Variants in KIF26B observed in about 807,000 individuals in gnomAD.
KIF26B encodes the protein kinesin family member 26B.
In KIF26B, 63 loss-of-function variants were observed where a neutral mutation model predicts 151.2. That is an observed-to-expected ratio of 0.42 (90% CI 0.34 to 0.51). KIF26B has a LOEUF of 0.51. KIF26B is among the 20% of genes least tolerant of loss of function. The pLI is 0.07. For synonymous variants in KIF26B, 1,357 were observed against 1,262.1 expected (o/e 1.08, Z -1.59); for missense variants, 2,813 against 2,913.6 (o/e 0.97, Z 0.79).
intron 3 of KIF26B, among the ~76,000 whole-genome samples, chr1:245,390,940 A>AC (rs1429488034): frequency 0.025 from 3,658 of 146,832 alleles, 512 homozygotes; most frequent in African/African-American, 0.082. Flanking sequence ...AAAAAAAAAA[A>AC]AAAAAAAAAA....
chr1:245,635,763 A>C (rs577148784), intron 9 of KIF26B, among the ~76,000 whole-genome samples: 1 of 152,138 alleles, frequency 6.6e-6, no homozygotes, highest in East Asian at 1.9e-4. Context: ...ATAGGCATTT[A>C]ATGCTATACG....
intron 2 of KIF26B, among the ~76,000 whole-genome samples, chr1:245,196,994 C>G (rs1322841846): frequency 6.6e-6 from 1 of 152,110 alleles, no homozygotes; most frequent in Non-Finnish European, 1.5e-5. Flanking sequence ...GATAAGAAAT[C>G]CTACTCCTCA....
chr1:245,492,004 T>A (rs1660418166), intron 4 of KIF26B, among the ~76,000 whole-genome samples: 1 of 152,164 alleles, frequency 6.6e-6, no homozygotes, highest in South Asian at 2.1e-4. Flanking sequence ...TCTCTTCACC[T>A]CAGTTTCTCT....
At chr1:245,674,961 A>G (rs1288285368) in intron 10 of KIF26B, among the ~76,000 whole-genome samples, 1 of 152,188 alleles carries the variant, frequency 6.6e-6, no homozygotes, top group East Asian at 1.9e-4. Flanking sequence ...GTCACGTGTG[A>G]CAACTGCATG....
chr1:245,451,412 T>A (rs953062049), intron 4 of KIF26B, among the ~76,000 whole-genome samples: 1 of 151,968 alleles, frequency 6.6e-6, no homozygotes, highest in Middle Eastern at 3.2e-3. Context: ...TACATTTATT[T>A]ATTTCTGGTT....
intron 4 of KIF26B, among the ~76,000 whole-genome samples, chr1:245,498,833 C>A (rs1660562511): frequency 1.3e-5 from 2 of 152,186 alleles, no homozygotes; most frequent in Admixed American, 6.5e-5. Context: ...GCTAGTCTCT[C>A]ACTCCTCTCT....
At chr1:245,372,921 A>G (rs965215356) in intron 3 of KIF26B, among the ~76,000 whole-genome samples, 3 of 152,226 alleles carry the variant, frequency 2.0e-5, no homozygotes, top group Non-Finnish European at 2.9e-5. Context: ...TTCCTCACCT[A>G]TGAAATTCCT....
intron 5 of KIF26B, among the ~76,000 whole-genome samples, chr1:245,592,664 C>G (rs1367580040): frequency 1.3e-5 from 2 of 151,776 alleles, no homozygotes; most frequent in Non-Finnish European, 2.9e-5. Flanking sequence ...TGCCCTCCCA[C>G]CCCCAAACTC....
chr1:245,595,999 A>C (rs1027427282), intron 5 of KIF26B, among the ~76,000 whole-genome samples: 1 of 152,234 alleles, frequency 6.6e-6, no homozygotes, highest in Non-Finnish European at 1.5e-5. Flanking sequence ...CTGTGGGATC[A>C]GTGGTGATAT....
chr1:245,193,471 C>T lies in KIF26B; in HGVS notation c.465+36788C>T, dbSNP rs142051509. 5.6e-3 allele frequency among the ~76,000 whole-genome samples: 841 copies of T among 150,340 alleles called. 4 individuals carry two copies. Among genetic ancestry groups the T allele is most frequent in the African/African-American group, 0.02 (801 of 39,838 alleles). The stretch of plus-strand genomic sequence containing the variant: ...AATTGGTTTGAAAGCTTAGGCTTTC[C>T]TTTTTAAATAAACCGGAAAGCTTAG... On this transcript the variant is annotated intron_variant, in intron 2 of 14. Coordinates refer to ENST00000407071, the MANE Select transcript of KIF26B (RefSeq NM_018012.4).
At chr1:245,183,195 C>T (rs964751794) in intron 2 of KIF26B, among the ~76,000 whole-genome samples, 3 of 152,122 alleles carry the variant, frequency 2.0e-5, no homozygotes, top group Non-Finnish European at 4.4e-5. Context: ...TTTAATATAT[C>T]CTGGGGTATA....
intron 9 of KIF26B, among the ~76,000 whole-genome samples, chr1:245,628,635 C>T (rs12116757): frequency 6.6e-6 from 1 of 152,174 alleles, no homozygotes; most frequent in South Asian, 2.1e-4. Context: ...ATGACAAACC[C>T]ATAGCCAATA....
chr1:245,435,054 T>C (rs1344486941), intron 4 of KIF26B, among the ~76,000 whole-genome samples: 1 of 17,088 alleles, frequency 5.9e-5, no homozygotes, highest in African/African-American at 2.7e-4. Context: ...CATCCATCTC[T>C]CCATCCATCC....
At chr1:245,620,997 T>TCTTA (rs1558240006) in intron 9 of KIF26B, among the ~76,000 whole-genome samples, 2 of 152,108 alleles carry the variant, frequency 1.3e-5, no homozygotes, top group African/African-American at 4.8e-5. Context: ...ACCCAGAGCA[T>TCTTA]TGCTGAACCT....
Position 245,244,756 on chromosome 1 carries a change from T to TCACACACACACACACACACACACAAA in KIF26B, c.465+88097_465+88098insAACACACACACACACACACACACACA, listed in dbSNP as rs1670284968. 6.9e-6 allele frequency among the ~76,000 whole-genome samples: 1 copy of TCACACACACACACACACACACACAAA among 144,354 alleles called. No individual in the cohort carries two copies. Among genetic ancestry groups the TCACACACACACACACACACACACAAA allele is most frequent in the African/African-American group, 2.6e-5 (1 of 39,114 alleles). 94.7% of individuals were successfully genotyped at this position (144,354 alleles called of 152,430 possible). ...AGAAGGAACACACAGACACGCACACTCACACACACACACACACACACACAC... is the reference window on the plus strand; with the variant it reads ...AGAAGGAACACACAGACACGCACACTCACACACACACACACACACACACAAACACACACACACACACACACACACAC... On this transcript the variant is annotated intron_variant, in intron 2 of 14. Transcript: ENST00000407071. The surrounding 1 kb of genome is among the most constrained non-coding windows in gnomAD (Gnocchi z 4.2).
rs1049686443 is a variant in KIF26B at position 245,352,981 on chromosome 1, G to C, written c.466-13853G>C. ...TTATTCATACGATTATCACGTTAGA[G>C]GTTTTGGAGTTGTAGTGGCTATCGT... On this transcript the variant is annotated intron_variant, in intron 2 of 14. Transcript: ENST00000407071. The surrounding 1 kb of genome is among the most constrained non-coding windows in gnomAD (Gnocchi z 5.0). Among the ~76,000 whole-genome samples the C allele has an allele frequency of 1.3e-5, 2 of 152,064 alleles. No homozygotes were observed. The highest frequency in any genetic ancestry group is 4.8e-5 in the African/African-American group (2 of 41,368).
At chr1:245,528,779 C>T (rs1301094779) in intron 4 of KIF26B, among the ~76,000 whole-genome samples, 1 of 152,182 alleles carries the variant, frequency 6.6e-6, no homozygotes, top group Non-Finnish European at 1.5e-5. Flanking sequence ...TGAATGGTTG[C>T]TGTGGCTTAG....
chr1:245,211,027 G>A (rs946062890), intron 2 of KIF26B, among the ~76,000 whole-genome samples: 2 of 152,156 alleles, frequency 1.3e-5, no homozygotes, highest in Admixed American at 6.5e-5. Context: ...CGGTTTTTAA[G>A]CTCACACCAA....
chr1:245,198,503 C>T (rs1669231050), intron 2 of KIF26B, among the ~76,000 whole-genome samples: 1 of 152,052 alleles, frequency 6.6e-6, no homozygotes, highest in South Asian at 2.1e-4. Context: ...GGGAGGATCA[C>T]CTGAGGTCAG....
Sources: gnomAD v4.1 joint callset for allele counts (sites outside exome capture counted in the v4.1 genomes callset) on GRCh38, gnomAD v4.1.1 for gene constraint, Gnocchi (gnomAD v3.1) non-coding constraint, MANE v1.5 for transcripts, NCBI Gene and HGNC (gene_info 2026-07-23, HGNC 2026-07-21) for gene names.